Variants in CEP126 observed in about 807,000 individuals in gnomAD.
The protein encoded by CEP126 is centrosomal protein of 126 kDa.
CEP126 carries 74 observed loss-of-function variants against 107.8 expected under a neutral mutation model. The ratio of observed to expected loss-of-function variants is 0.69; its 90% CI spans 0.57 to 0.83. The LOEUF (loss-of-function observed/expected upper bound fraction) is 0.83, where lower values mean the gene tolerates loss of function less well. Among genes scored for constraint, CEP126 ranks in the 40% least tolerant of loss-of-function variants. The pLI is 0.00. For synonymous variants in CEP126, 449 were observed against 446.0 expected (o/e 1.01, Z -0.08); for missense variants, 1,237 against 1,281.9 (o/e 0.96, Z 0.53).
intron 4 of CEP126, chr11:101,956,023 T>C (rs1295091417): frequency 4.4e-6 from 2 of 456,430 alleles, no homozygotes; most frequent in Non-Finnish European, 8.8e-6. Context: ...AATATCATCC[T>C]TGTCCTCCAA....
intron 2 of CEP126, among the ~76,000 whole-genome samples, chr11:101,943,694 G>A (rs1211242599): frequency 6.6e-6 from 1 of 151,858 alleles, no homozygotes; most frequent in African/African-American, 2.4e-5. Context: ...AGGGATTAGG[G>A]GCAGGTGTTT....
chr11:101,917,029 TGTGTGTG>T (rs1245237646), intron 1 of CEP126, among the ~76,000 whole-genome samples: 14 of 5,794 alleles, frequency 2.4e-3, no homozygotes, highest in African/African-American at 4.0e-3. Context: ...AATCCAACAA[TGTGTGTG>T]TGTGTGTGTG....
chr11:101,915,612 C>T (rs191172503), intron 1 of CEP126, among the ~76,000 whole-genome samples, 200 bp downstream of exon 1: 1 of 152,250 alleles, frequency 6.6e-6, no homozygotes, highest in East Asian at 1.9e-4. Context: ...TGGCTGCTTC[C>T]CCCCATCACC....
chr11:101,964,647 AAAC>A (rs1449692424), intron 6 of CEP126, among the ~76,000 whole-genome samples: 6 of 141,230 alleles, frequency 4.2e-5, no homozygotes, highest in Admixed American at 1.4e-4. Flanking sequence ...TAAAAAAAAA[AAAC>A]AACAACAACA....
chr11:101,925,009 T>C (rs1940386338), intron 2 of CEP126, among the ~76,000 whole-genome samples: 1 of 152,200 alleles, frequency 6.6e-6, no homozygotes, highest in Non-Finnish European at 1.5e-5. Context: ...TTCCATTCTC[T>C]CAGTCAGTAT....
chr11:101,969,738 A>G (rs1023499387), intron 6 of CEP126, among the ~76,000 whole-genome samples: 1 of 152,248 alleles, frequency 6.6e-6, no homozygotes, highest in Admixed American at 6.5e-5. Flanking sequence ...TTATTACAAT[A>G]TGGCATTTTT....
intron 1 of CEP126, chr11:101,916,205 G>C (rs1226477776): frequency 1.3e-5 from 2 of 152,194 alleles, no homozygotes; most frequent in Admixed American, 6.5e-5. Flanking sequence ...TGTCAGAGAT[G>C]AGTGTCTTCT....
chr11:101,997,392 T>C (rs1469200646), intron 10 of CEP126, among the ~76,000 whole-genome samples: 1 of 152,250 alleles, frequency 6.6e-6, no homozygotes, highest in Non-Finnish European at 1.5e-5. Context: ...GTGGGAATTT[T>C]ACCTTTTAGA....
At chr11:101,926,606 T>C (rs1201224429) in intron 2 of CEP126, among the ~76,000 whole-genome samples, 1 of 152,194 alleles carries the variant, frequency 6.6e-6, no homozygotes, top group Non-Finnish European at 1.5e-5. Context: ...AAAGCTGTTA[T>C]AATGTTCTAG....
At chr11:101,982,463 T>C (rs908056984) in intron 8 of CEP126, among the ~76,000 whole-genome samples, 36 of 152,330 alleles carry the variant, frequency 2.4e-4, no homozygotes, top group African/African-American at 8.2e-4. Flanking sequence ...ATATTAGTTT[T>C]GATTTCTATA....
intron 4 of CEP126, among the ~76,000 whole-genome samples, chr11:101,950,985 G>T (rs1036609864): frequency 1.6e-4 from 24 of 152,096 alleles, no homozygotes; most frequent in African/African-American, 5.8e-4. Context: ...GAGGCAAGGA[G>T]ACCAGAGAGG....
chr11:101,915,442 T>C (rs1591263574), intron 1 of CEP126, 30 bp downstream of exon 1: 2 of 1,585,396 alleles, frequency 1.3e-6, no homozygotes, highest in Non-Finnish European at 1.7e-6. Flanking sequence ...GCTGCCAGGG[T>C]AGCGATGTTG....
At chr11:101,977,412 C>T (rs907101314) in intron 6 of CEP126, among the ~76,000 whole-genome samples, 3 of 151,882 alleles carry the variant, frequency 2.0e-5, no homozygotes, top group African/African-American at 7.3e-5. Flanking sequence ...GCGGGCAGAT[C>T]ACAAGGTCAA....
At chr11:101,979,064 G>A (rs567633016) in intron 7 of CEP126, among the ~76,000 whole-genome samples, 18 of 151,914 alleles carry the variant, frequency 1.2e-4, no homozygotes, top group East Asian at 1.9e-4. Context: ...CCTGGGAGGC[G>A]GAGGTTACAG....
chr11:101,972,009 T>C (rs941155276), intron 6 of CEP126, among the ~76,000 whole-genome samples: 1 of 151,760 alleles, frequency 6.6e-6, no homozygotes, highest in African/African-American at 2.4e-5. Flanking sequence ...CTTGGGAGGC[T>C]GAGGCAGGAG....
intron 10 of CEP126, among the ~76,000 whole-genome samples, chr11:101,993,631 C>A (rs1204035008): frequency 6.6e-6 from 1 of 152,214 alleles, no homozygotes; most frequent in African/African-American, 2.4e-5. Context: ...AATTGCCACA[C>A]TGCTTTCCAC....
chr11:101,937,925 G>C (rs1310572054), intron 2 of CEP126, among the ~76,000 whole-genome samples: 7 of 151,002 alleles, frequency 4.6e-5, no homozygotes, highest in Non-Finnish European at 8.9e-5. Context: ...AGGCCGAGGC[G>C]GGTGGATCAT....
chr11:101,942,004 G>C (rs1940671524), intron 2 of CEP126, among the ~76,000 whole-genome samples: 1 of 151,850 alleles, frequency 6.6e-6, no homozygotes. Flanking sequence ...AGGTTTTTTT[G>C]ATGTGGAGTT....
At chr11:101,996,228 A>G (rs1326943959) in intron 10 of CEP126, among the ~76,000 whole-genome samples, 3 of 152,198 alleles carry the variant, frequency 2.0e-5, no homozygotes, top group African/African-American at 7.2e-5. Context: ...GGCAGTTTCC[A>G]TAGATTTCCC....
Sources: gnomAD v4.1 joint callset for allele counts (sites outside exome capture counted in the v4.1 genomes callset) on GRCh38, gnomAD v4.1.1 for gene constraint, MANE v1.5 for transcripts, NCBI Gene and HGNC (gene_info 2026-07-23, HGNC 2026-07-21) for gene names.